MAP2: variants seen among roughly 807,000 people sequenced by gnomAD.
MAP2 encodes microtubule-associated protein 2.
MAP2 carries 14 observed loss-of-function variants against 137.6 expected under a neutral mutation model. That is an observed-to-expected ratio of 0.10 (90% CI 0.07 to 0.16). MAP2 has a LOEUF of 0.16. MAP2 is among the 10% of genes least tolerant of loss of function. The pLI is 1.00. For missense variants in MAP2, 2,088 were observed against 2,191.5 expected, an observed-to-expected ratio of 0.95 and a Z score of 0.94; for synonymous variants, 786 against 782.3, an observed-to-expected ratio of 1.00 and a Z score of -0.08.
intron 2 of MAP2, among the ~76,000 whole-genome samples, chr2:209,514,008 G>A (rs935140423): frequency 3.9e-5 from 6 of 152,102 alleles, no homozygotes; most frequent in African/African-American, 1.4e-4. Context: ...ACAAGAGAAA[G>A]TAAATTATCC....
intron 1 of MAP2, among the ~76,000 whole-genome samples, chr2:209,448,127 C>A (rs1311808039): frequency 6.6e-6 from 1 of 152,062 alleles, no homozygotes; most frequent in East Asian, 1.9e-4. Context: ...AATCTACTGT[C>A]CTACAACAGC....
chr2:209,489,015 C>T (rs933105076), intron 1 of MAP2, among the ~76,000 whole-genome samples: 20 of 152,280 alleles, frequency 1.3e-4, no homozygotes, highest in East Asian at 1.2e-3. Flanking sequence ...CAGCAGGGGA[C>T]GACACACACC....
intron 5 of MAP2, among the ~76,000 whole-genome samples, chr2:209,658,442 T>TA (rs1332024426): frequency 6.6e-6 from 1 of 151,964 alleles, no homozygotes; most frequent in African/African-American, 2.4e-5. Context: ...GACCTTGCTC[T>TA]AAAAAAGTAA....
intron 11 of MAP2, among the ~76,000 whole-genome samples, chr2:209,703,525 TATTTTATATAC>T (rs1361486902): frequency 6.6e-6 from 1 of 152,130 alleles, no homozygotes; most frequent in African/African-American, 2.4e-5. Flanking sequence ...CCAAAAAGAA[TATTTTATATAC>T]ATTATCCTTA....
At chr2:209,669,333 C>T (rs1395420104) in intron 5 of MAP2, among the ~76,000 whole-genome samples, 1 of 152,034 alleles carries the variant, frequency 6.6e-6, no homozygotes, top group African/African-American at 2.4e-5. Context: ...TTTTTCCCAT[C>T]ACATGGTTCC....
At chr2:209,551,624 A>G (rs2069182958) in intron 2 of MAP2, among the ~76,000 whole-genome samples, 1 of 152,156 alleles carries the variant, frequency 6.6e-6, no homozygotes. Context: ...CAGTTTAAGT[A>G]AGAATTTTCA....
chr2:209,522,997 AC>A (rs879730547), intron 2 of MAP2, among the ~76,000 whole-genome samples: 1 of 152,120 alleles, frequency 6.6e-6, no homozygotes, highest in African/African-American at 2.4e-5. Flanking sequence ...ATACTTAAAA[AC>A]CTGGTAAGGG....
chr2:209,615,967 C>T (rs898361034), intron 3 of MAP2, among the ~76,000 whole-genome samples: 1 of 152,208 alleles, frequency 6.6e-6, no homozygotes, highest in Non-Finnish European at 1.5e-5. Flanking sequence ...CAGACCCAGC[C>T]ACACAGGCAG....
chr2:209,443,592 TG>T (rs1447658067), intron 1 of MAP2, among the ~76,000 whole-genome samples: 1 of 151,564 alleles, frequency 6.6e-6, no homozygotes, highest in Non-Finnish European at 1.5e-5. Flanking sequence ...AAAGAACACT[TG>T]TTCCATTATT....
chr2:209,458,052 T>C (rs1259520670), intron 1 of MAP2, among the ~76,000 whole-genome samples: 1 of 152,204 alleles, frequency 6.6e-6, no homozygotes, highest in East Asian at 1.9e-4. Flanking sequence ...GTCCTGAGCA[T>C]TGGGATAATA....
chr2:209,676,595 G>T (rs1261943905), intron 5 of MAP2, among the ~76,000 whole-genome samples: 1 of 151,152 alleles, frequency 6.6e-6, no homozygotes, highest in Non-Finnish European at 1.5e-5. Flanking sequence ...CTTATATAGT[G>T]TGGGAGATAA....
rs1173423196 is a variant in MAP2 at position 209,424,954 on chromosome 2, C to T, written c.-222+678C>T. ...TCTACAGTGCATCTATTCTTTTCTTCCTTTTCTTTTTAAAAGGCTTTTTTG... is the reference window on the plus strand; with the variant it reads ...TCTACAGTGCATCTATTCTTTTCTTTCTTTTCTTTTTAAAAGGCTTTTTTG... On this transcript the variant is annotated intron_variant, in intron 1 of 15. Transcript: ENST00000682079. 5.4e-5 allele frequency among the ~76,000 whole-genome samples: 8 copies of T among 147,198 alleles called. 1 individual carries two copies. Among genetic ancestry groups the T allele is most frequent in the Admixed American group, 5.4e-4 (8 of 14,762 alleles).
chr2:209,562,370 C>T (rs183455160), intron 2 of MAP2, among the ~76,000 whole-genome samples: 36 of 151,472 alleles, frequency 2.4e-4, no homozygotes, highest in African/African-American at 8.0e-4. Context: ...ACAAAGGTAG[C>T]TACACACTGG....
At chr2:209,472,569 A>G (rs530649588) in intron 1 of MAP2, among the ~76,000 whole-genome samples, 13 of 152,292 alleles carry the variant, frequency 8.5e-5, no homozygotes, top group Admixed American at 2.6e-4. Context: ...GAAGAGCACA[A>G]TTCATCAAAG....
chr2:209,503,003 T>C (rs943960558), intron 1 of MAP2, among the ~76,000 whole-genome samples: 5 of 99,500 alleles, frequency 5.0e-5, no homozygotes, highest in African/African-American at 8.6e-5. Context: ...TTTTTTCTTT[T>C]TTTTTTTTTT....
At chr2:209,565,695 C>A (rs112229309) in intron 2 of MAP2, among the ~76,000 whole-genome samples, 1,773 of 152,232 alleles carry the variant, frequency 0.012, 34 homozygotes, top group African/African-American at 0.041. Flanking sequence ...GCCGTTAGCT[C>A]TTTGTTAACT....
intron 1 of MAP2, among the ~76,000 whole-genome samples, chr2:209,466,760 A>G (rs754912040): frequency 2.6e-5 from 4 of 152,222 alleles, no homozygotes; most frequent in African/African-American, 7.2e-5. Context: ...AGAATTGAAA[A>G]GAACTTGTGG....
chr2:209,696,573 A>C lies in MAP2; in HGVS notation c.4212A>C (p.Leu1404Phe), dbSNP rs372011116. 107 of 1,613,552 alleles carry C rather than the reference A, an allele frequency of 6.6e-5. No individual in the cohort carries two copies. Among genetic ancestry groups the C allele is most frequent in the Non-Finnish European group, 8.9e-5 (105 of 1,179,776 alleles). ...ATAGGAGCATCATGACAGAACAGTT[A>C]GAAACTATTCCTAAAGAGGAGAAAG... Reference protein sequence around the residue: ...DDDRSIMTEQLETIPKEEKAE... With the variant: ...DDDRSIMTEQFETIPKEEKAE... Residue 1404 changes from leucine (L) to phenylalanine (F), a missense_variant, in exon 9 of 16, where the codon TTA (leucine) becomes TTC (phenylalanine). This residue lies in a region of MAP2 where 591 missense variants were observed against 642.6 expected (regional missense o/e 0.92). Transcript: ENST00000682079.
In MAP2 at chr2:209,710,043, G is replaced by C. The variant is rs1270108233; in HGVS notation, c.4862G>C (p.Ser1621Thr). Residue 1621 changes from serine (S) to threonine (T), a missense_variant, in exon 13 of 16, where the codon AGC becomes ACC. By Grantham distance (58) the Ser-to-Thr change is moderately conservative (BLOSUM62 1). Transcript: ENST00000682079. The part of the protein sequence containing the change: ...SRTPGTPGTP[S>T]YPRTPHTPGT... The stretch of plus-strand genomic sequence containing the variant: ...ACACCAGGCACTCCTGGAACCCCTA[G>C]CTATCCCAGGACCCCTCACACACCA... 3 of 1,613,766 alleles carry C rather than the reference G, an allele frequency of 1.9e-6. No individual in the cohort carries two copies. The highest frequency in any genetic ancestry group is 2.5e-6 in the Non-Finnish European group (3 of 1,180,002).
Sources: allele counts gnomAD v4.1 joint callset (sites outside exome capture counted in the v4.1 genomes callset), GRCh38; gene constraint gnomAD v4.1.1; regional missense constraint gnomAD v4.1.1; transcripts MANE v1.5; gene names NCBI Gene and HGNC (gene_info 2026-07-23, HGNC 2026-07-21).